OTUD4: variants seen among roughly 807,000 people sequenced by gnomAD.
OTUD4 encodes the protein OTU domain-containing protein 4.
Under a neutral mutation model 130.4 loss-of-function variants are expected in OTUD4, and 24 were observed. That is an observed-to-expected ratio of 0.18 (90% CI 0.13 to 0.26). The LOEUF is 0.26. Among genes scored for constraint, OTUD4 ranks in the 10% least tolerant of loss-of-function variants. OTUD4 has a pLI of 1.00. For missense variants in OTUD4, 1,031 were observed against 1,329.4 expected (o/e 0.78, Z 3.49); for synonymous variants, 420 against 472.5 (o/e 0.89, Z 1.44).
chr4:145,153,077 A>G (rs1287699325), intron 10 of OTUD4, among the ~76,000 whole-genome samples: 2 of 152,202 alleles, frequency 1.3e-5, no homozygotes, highest in African/African-American at 2.4e-5. Context: ...AAAGTTTATC[A>G]GTAAAAACAA....
chr4:145,177,334 C>T (rs139761742), intron 1 of OTUD4, among the ~76,000 whole-genome samples: 3 of 152,336 alleles, frequency 2.0e-5, no homozygotes, highest in African/African-American at 4.8e-5. Context: ...GATTTTGGCA[C>T]ATACAATCTA....
chr4:145,158,157 A>T (rs911232178), intron 7 of OTUD4, among the ~76,000 whole-genome samples: 1 of 152,246 alleles, frequency 6.6e-6, no homozygotes, highest in Admixed American at 6.5e-5. Context: ...AGGATCAGAA[A>T]ATTTTAATTC....
rs757147417 is a variant in OTUD4, at chr4:145,146,340, T to G, written c.1349A>C (p.Lys450Thr). The change falls in exon 14 of 21, where the codon AAG becomes ACG. Residue 450 changes from lysine to threonine, a missense_variant. Physicochemically the swap from Lys to Thr is moderately conservative, Grantham distance 78. Transcript: ENST00000447906. ...FGLSPEERREKQAIEESRLLY... is the reference protein window; with the variant it reads ...FGLSPEERRETQAIEESRLLY... The stretch of plus-strand genomic sequence containing the variant: ...TAAACGGGATTCTTCTATAGCTTGC[T>G]TCTCTCTGCGCTCTTCTGGGGAAAG... 1 of 1,598,566 alleles carries G rather than the reference T, an allele frequency of 6.3e-7. No homozygotes were observed.
intron 1 of OTUD4, chr4:145,178,022 G>A (rs148780298): frequency 1.3e-5 from 2 of 152,292 alleles, no homozygotes; most frequent in South Asian, 2.1e-4. Context: ...CAAAGTTCAA[G>A]GTCTTCAGCT....
At chr4:145,165,327 GAAT>G in intron 3 of OTUD4, 130 bp from the exon 4 acceptor site, 3 of 545,010 alleles carry the variant, frequency 5.5e-6, no homozygotes, top group East Asian at 5.8e-5. Flanking sequence ...GTAGTATTGT[GAAT>G]ATTATAAAAA....
At chr4:145,154,564 G>C (rs1032407272) in intron 10 of OTUD4, among the ~76,000 whole-genome samples, 2 of 152,094 alleles carry the variant, frequency 1.3e-5, no homozygotes, top group African/African-American at 4.8e-5. Context: ...TGGGGGTTTT[G>C]TTTTTGTTTT....
Position 145,173,301 on chromosome 4 carries a change from G to T in OTUD4, c.243+1360C>A, listed in dbSNP as rs191529550. Among the ~76,000 whole-genome samples, 4 of 152,274 alleles carry T rather than the reference G, an allele frequency of 2.6e-5. No individual in the cohort carries two copies. In the East Asian group the frequency reaches 7.7e-4, roughly 29 times the overall value. On this transcript the variant is annotated intron_variant, in intron 2 of 20. Coordinates refer to ENST00000447906, the MANE Select transcript of OTUD4 (RefSeq NM_001366057.1). ...CCCAGCTACACTGGAGGCTGAGGCA[G>T]GAGAATGGCATGAACCCGGGAGGCG...
Position 145,143,270 on chromosome 4 carries a change from C to T in OTUD4, c.1683+95G>A, listed in dbSNP as rs1750648661. The T allele has an allele frequency of 4.5e-6, 3 of 669,234 alleles. No homozygotes were observed. The African/African-American group carries it at 5.5e-5, about 12-fold the overall frequency. 41.5% of individuals were successfully genotyped at this position (669,234 alleles called of 1,614,324 possible). A position where few individuals can be genotyped will look rare whatever the true frequency, so the allele number is the denominator to read the frequency against. On this transcript the variant is annotated intron_variant, in intron 17 of 20. Transcript: ENST00000447906. ...TGCCAGAAAAAATTCTCCCATTTCCCATACTGATGTTTTCTGTTTTTAAAT... is the reference window on the plus strand; with the variant it reads ...TGCCAGAAAAAATTCTCCCATTTCCTATACTGATGTTTTCTGTTTTTAAAT...
intron 20 of OTUD4, 106 bp from the exon 21 acceptor site, chr4:145,138,756 A>G: frequency 1.1e-6 from 1 of 893,180 alleles, no homozygotes. Flanking sequence ...TCTCATGCCT[A>G]CAAAGACCAT....
chr4:145,178,040 T>A (rs986950448), intron 1 of OTUD4: 2 of 152,212 alleles, frequency 1.3e-5, no homozygotes, highest in Non-Finnish European at 2.9e-5. Context: ...GCTAAGCTCA[T>A]CAGACTAAAA....
In OTUD4 at chr4:145,134,201, CAT is replaced by C. The variant is rs1241349480; in HGVS notation, c.*3227_*3228del. Reference sequence around the variant, plus strand: ...CAAAACCTTAGTTATCTGAAAATAACATATTGGAAATGAGACATTATTAGGAT... The same window carrying C: ...CAAAACCTTAGTTATCTGAAAATAACATTGGAAATGAGACATTATTAGGAT... On this transcript the variant is annotated 3_prime_UTR_variant, in exon 21 of 21. Transcript: ENST00000447906. The C allele has an allele frequency of 2.0e-5, 3 of 152,532 alleles. No homozygotes were observed. Among genetic ancestry groups the C allele is most frequent in the Admixed American group, 1.3e-4 (2 of 15,266 alleles). 9.4% of individuals were successfully genotyped at this position (152,532 alleles called of 1,614,324 possible).
intron 7 of OTUD4, 144 bp downstream of exon 7, chr4:145,159,359 G>T: frequency 1.3e-6 from 2 of 1,505,662 alleles, no homozygotes; most frequent in Non-Finnish European, 1.8e-6. Context: ...CAGGGATAAA[G>T]AAACTTCAGC....
chr4:145,151,289 T>C (rs1751056112), intron 11 of OTUD4, among the ~76,000 whole-genome samples: 1 of 152,132 alleles, frequency 6.6e-6, no homozygotes, highest in Non-Finnish European at 1.5e-5. Flanking sequence ...TCCTTCAAAA[T>C]ATGCCAATTT....
Position 145,150,702 on chromosome 4 carries a change from G to A in OTUD4, c.1073-3C>T. ...CTTTGGCCCTCTGTAATCCACATCT[G>A]TTGTAAGAACCCAAAAGTACATGAT... On this transcript the variant is annotated splice_region_variant and splice_polypyrimidine_tract_variant and intron_variant, in intron 12 of 20. Transcript: ENST00000447906. 1 of 1,607,260 alleles carries A rather than the reference G, an allele frequency of 6.2e-7. No homozygotes were observed. Among genetic ancestry groups the A allele is most frequent in the Middle Eastern group, 1.7e-4 (1 of 6,044 alleles).
In OTUD4 at chr4:145,137,316, G is replaced by T; in HGVS notation, c.*114C>A. On this transcript the variant is annotated 3_prime_UTR_variant, in exon 21 of 21. Transcript: ENST00000447906. Reference sequence around the variant, plus strand: ...CAGTATGGGAGTGAAGGTAAGGGGGGCTGGGGAGAGGAAAGAGTTCCAACT... The same window carrying T: ...CAGTATGGGAGTGAAGGTAAGGGGGTCTGGGGAGAGGAAAGAGTTCCAACT... 1 of 837,116 alleles carries T rather than the reference G, an allele frequency of 1.2e-6. No homozygotes were observed. Among genetic ancestry groups the T allele is most frequent in the Non-Finnish European group, 1.9e-6 (1 of 524,984 alleles). The allele number at this position is 837,116 out of a possible 1,614,324, so 51.9% of individuals were successfully genotyped here. A position where few individuals can be genotyped will look rare whatever the true frequency, so the allele number is the denominator to read the frequency against.
At position 145,150,558 on chromosome 4, in the gene OTUD4, G is replaced by A. The variant is rs1012767107; in HGVS notation, c.1214C>T (p.Ser405Phe). 3.1e-6 allele frequency: 5 copies of A among 1,611,490 alleles called. No homozygotes were observed. The highest frequency in any genetic ancestry group is 1.7e-5 in the Admixed American group (1 of 59,976). Residue 405 changes from serine (S) to phenylalanine (F), a missense_variant, in exon 13 of 21, where the codon TCC becomes TTC. By Grantham distance (155) the Ser-to-Phe change is radical. Around this residue, in one of 3 missense-constraint regions of OTUD4, gnomAD observed 900 missense variants for 1,095.9 expected, o/e 0.82. Coordinates refer to ENST00000447906, the MANE Select transcript of OTUD4 (RefSeq NM_001366057.1). ...CCGGCTAAGATTTTTGTGCTCACTG[G>A]AGAATTTCTGAGACTGTGACCCTGA... ...HSSGSQSQKF[S>F]SEHKNLSRTP...
intron 13 of OTUD4, 141 bp downstream of exon 13, chr4:145,150,372 T>C (rs1751011289): frequency 1.9e-6 from 1 of 538,942 alleles, no homozygotes; most frequent in African/African-American, 1.9e-5. Context: ...ACATGAAGTT[T>C]TATACAAAAT....
rs1755081891 is a variant in OTUD4, at chr4:145,140,347, G to GT, written c.2084-357dup. On this transcript the variant is annotated intron_variant, in intron 19 of 20. Coordinates refer to ENST00000447906, the MANE Select transcript of OTUD4 (RefSeq NM_001366057.1). ...GGAAATAAAAATGTTGAGAAGAATG[G>GT]TAAAATCAACATAAAACCTAACTTA... is the stretch of plus-strand genomic sequence containing the variant. Among the ~76,000 whole-genome samples the GT allele has an allele frequency of 2.6e-5, 4 of 152,246 alleles. No homozygotes were observed. The South Asian group carries it at 8.3e-4, about 32-fold the overall frequency.
rs543782711 is a variant in OTUD4 at position 145,152,604 on chromosome 4, T to A, written c.905A>T (p.Asn302Ile). The change falls in exon 11 of 21, where the codon AAT becomes ATT. Residue 302 changes from asparagine to isoleucine, a missense_variant. Physicochemically the swap from Asn to Ile is moderately radical, Grantham distance 149. Coordinates refer to ENST00000447906, the MANE Select transcript of OTUD4 (RefSeq NM_001366057.1). ...AGAATGAATTCCTTGAACATCTGCA[T>A]TCAAAAATTTTCCATTGTGATCCAA... ...VRLDHNGKFL[N>I]ADVQGIHSEN... 2.5e-6 allele frequency: 4 copies of A among 1,611,762 alleles called. No homozygotes were observed. In the South Asian group the frequency reaches 3.3e-5, roughly 13 times the overall value.
Sources: gnomAD v4.1 joint callset for allele counts (sites outside exome capture counted in the v4.1 genomes callset) on GRCh38, gnomAD v4.1.1 for gene constraint, gnomAD v4.1.1 regional missense constraint, MANE v1.5 for transcripts, NCBI Gene and HGNC (gene_info 2026-07-23, HGNC 2026-07-21) for gene names.